The following TEX14 variants were observed in gnomAD, a reference collection of about 807,000 sequenced individuals.
The protein encoded by TEX14 is testis expressed 14, intercellular bridge forming factor.
In TEX14, 168 loss-of-function variants were observed where a neutral mutation model predicts 178.6. The observed-to-expected ratio is 0.94, with a 90% CI of 0.83 to 1.07. The LOEUF is 1.07. Among genes scored for constraint, TEX14 ranks in the 50% least tolerant of loss-of-function variants. TEX14 has a pLI of 0.00. For missense variants in TEX14, 1,730 were observed against 1,753.6 expected (o/e 0.99, Z 0.24); for synonymous variants, 626 against 634.1 (o/e 0.99, Z 0.19).
At chr17:58,666,278 G>C (rs1472035919) in intron 1 of TEX14, among the ~76,000 whole-genome samples, 1 of 151,748 alleles carries the variant, frequency 6.6e-6, no homozygotes, top group Non-Finnish European at 1.5e-5. Context: ...AACTCGGGAG[G>C]TGGAGGCTGC....
chr17:58,594,359 T>A (rs1316781179), intron 14 of TEX14, among the ~76,000 whole-genome samples: 1 of 150,938 alleles, frequency 6.6e-6, no homozygotes, highest in Admixed American at 6.6e-5. Context: ...TCTTTTTCTT[T>A]TTTTTTTTTT....
intron 2 of TEX14, chr17:58,631,607 T>C (rs1316493227): frequency 6.8e-6 from 1 of 146,732 alleles, no homozygotes; most frequent in Non-Finnish European, 1.5e-5. Context: ...GGAAACCAAC[T>C]ACTATTAACA....
chr17:58,586,109 A>C (rs1463106042), intron 17 of TEX14, 27 bp from the exon 18 acceptor site: 6 of 1,594,232 alleles, frequency 3.8e-6, no homozygotes, highest in Admixed American at 1.7e-5. Context: ...GCAGCATTTA[A>C]AACATCACTG....
intron 8 of TEX14, among the ~76,000 whole-genome samples, chr17:58,614,731 G>T (rs945844217): frequency 1.1e-4 from 17 of 152,218 alleles, no homozygotes. Flanking sequence ...AATGAATCAA[G>T]AACCTGTCCT....
intron 26 of TEX14, among the ~76,000 whole-genome samples, chr17:58,566,950 T>C (rs182726954): frequency 6.6e-6 from 1 of 152,160 alleles, no homozygotes; most frequent in Non-Finnish European, 1.5e-5. Flanking sequence ...GTGGATCACC[T>C]GAGGTCAGGA....
rs1162304177 is a variant in TEX14, at chr17:58,644,989, C to CT, written c.136+6876dup. Among the ~76,000 whole-genome samples, 899 of 135,542 alleles carry CT rather than the reference C, an allele frequency of 6.6e-3. 4 individuals carry two copies. Among genetic ancestry groups the CT allele is most frequent in the African/African-American group, 8.9e-3 (330 of 36,938 alleles). 88.9% of individuals were successfully genotyped at this position (135,542 alleles called of 152,430 possible). On this transcript the variant is annotated intron_variant, in intron 2 of 31. Transcript: ENST00000349033. ...AGTTGTATTCTTTTTTTTTTCTTAA[C>CT]TTTTTTTTTTTTTTGAGATGGAGTC...
At chr17:58,575,356 T>C (rs1272577729) in intron 21 of TEX14, among the ~76,000 whole-genome samples, 2 of 152,158 alleles carry the variant, frequency 1.3e-5, no homozygotes, top group African/African-American at 2.4e-5. Context: ...CCTCAGGTGA[T>C]CTGCCTGCCT....
intron 11 of TEX14, among the ~76,000 whole-genome samples, chr17:58,604,340 G>A (rs2045553246): frequency 6.7e-6 from 1 of 150,028 alleles, no homozygotes; most frequent in Non-Finnish European, 1.5e-5. Flanking sequence ...GCGTGGTGGT[G>A]TGCACCTGTA....
intron 2 of TEX14, chr17:58,631,842 C>G (rs748701032): frequency 3.9e-5 from 6 of 152,166 alleles, no homozygotes; most frequent in East Asian, 1.9e-4. Flanking sequence ...GTCTTAATGT[C>G]CATTTATGTG....
intron 2 of TEX14, among the ~76,000 whole-genome samples, chr17:58,646,908 C>CT (rs752886851): frequency 0.015 from 2,185 of 141,508 alleles, 22 homozygotes; most frequent in African/African-American, 0.036. Context: ...CAAGCACACT[C>CT]TTTTTTTTTT....
chr17:58,671,802 G>A (rs1274183002), intron 1 of TEX14, among the ~76,000 whole-genome samples: 1 of 152,008 alleles, frequency 6.6e-6, no homozygotes, highest in Non-Finnish European at 1.5e-5. Flanking sequence ...AGCCTTCCCT[G>A]GACCTCAGGT....
At chr17:58,678,818 T>TATAATAATAATAATAATAATA (rs56142259) in intron 1 of TEX14, among the ~76,000 whole-genome samples, 16 of 137,322 alleles carry the variant, frequency 1.2e-4, no homozygotes, top group East Asian at 2.1e-4. Flanking sequence ...GAACTTAAAG[T>TATAATAATAATAATAATAATA]ATAATAATAA....
chr17:58,602,009 A>C, intron 12 of TEX14, 53 bp from the exon 13 acceptor site: 1 of 1,588,330 alleles, frequency 6.3e-7, no homozygotes. Flanking sequence ...CCTGAATGTC[A>C]CTGGTGCTTT....
intron 2 of TEX14, chr17:58,631,189 C>CT: frequency 4.1e-6 from 4 of 978,944 alleles, no homozygotes; most frequent in Non-Finnish European, 4.9e-6. Flanking sequence ...CCTGGAGGCG[C>CT]AGTGGCTCAC....
intron 2 of TEX14, chr17:58,631,850 G>C (rs1394089612): frequency 1.3e-5 from 2 of 152,124 alleles, no homozygotes; most frequent in African/African-American, 4.8e-5. Context: ...GTCCATTTAT[G>C]TGCCTTCCAC....
At chr17:58,601,630 G>T (rs986477970) in intron 13 of TEX14, among the ~76,000 whole-genome samples, 176 bp downstream of exon 13, 4 of 152,186 alleles carry the variant, frequency 2.6e-5, no homozygotes, top group African/African-American at 9.7e-5. Flanking sequence ...GGAAGTGGAG[G>T]TTGCAGTGAG....
intron 27 of TEX14, among the ~76,000 whole-genome samples, chr17:58,565,333 G>T (rs982705987): frequency 2.0e-5 from 3 of 152,328 alleles, no homozygotes; most frequent in Middle Eastern, 3.4e-3. Flanking sequence ...GTTCTCACTT[G>T]TTAGATGTTT....
chr17:58,593,426 T>A, intron 15 of TEX14, 129 bp downstream of exon 15: 1 of 703,056 alleles, frequency 1.4e-6, no homozygotes, highest in Non-Finnish European at 2.5e-6. Flanking sequence ...AACCTGCCAA[T>A]CTGCATTACT....
chr17:58,601,301 T>C (rs1446667156), intron 13 of TEX14, among the ~76,000 whole-genome samples: 2 of 151,980 alleles, frequency 1.3e-5, no homozygotes, highest in African/African-American at 4.8e-5. Flanking sequence ...GGCGGGTGGA[T>C]CACGAGGTCA....
Sources: gnomAD v4.1 joint callset for allele counts (sites outside exome capture counted in the v4.1 genomes callset) on GRCh38, gnomAD v4.1.1 for gene constraint, MANE v1.5 for transcripts, NCBI Gene and HGNC (gene_info 2026-07-23, HGNC 2026-07-21) for gene names.